The following MCTP1 variants were observed in gnomAD, a reference collection of about 807,000 sequenced individuals.
MCTP1 encodes multiple C2 and transmembrane domain containing 1, also known as multiple C2 and transmembrane domain-containing protein 1.
Under a neutral mutation model 120.6 loss-of-function variants are expected in MCTP1, and 69 were observed. That is an observed-to-expected ratio of 0.57 (90% CI 0.47 to 0.70). The LOEUF is 0.70. MCTP1 is among the 30% of genes least tolerant of loss of function. MCTP1 has a pLI of 0.00. For synonymous variants in MCTP1, 529 were observed against 493.1 expected, an observed-to-expected ratio of 1.07 and a Z score of -0.96; for missense variants, 1,203 against 1,248.8, an observed-to-expected ratio of 0.96 and a Z score of 0.55.
chr5:94,959,740 C>G (rs1177863933), intron 2 of MCTP1, among the ~76,000 whole-genome samples: 1 of 152,106 alleles, frequency 6.6e-6, no homozygotes, highest in Non-Finnish European at 1.5e-5. Flanking sequence ...TCAAAGAGAA[C>G]TACAAACCAC....
chr5:95,064,674 A>G (rs1750128078), intron 1 of MCTP1, among the ~76,000 whole-genome samples: 1 of 152,222 alleles, frequency 6.6e-6, no homozygotes, highest in African/African-American at 2.4e-5. Context: ...ATTCTGGGGT[A>G]CACTCACTGA....
chr5:95,081,763 C>T (rs1754977280), intron 1 of MCTP1: 1 of 1,149,880 alleles, frequency 8.7e-7, no homozygotes, highest in African/African-American at 1.6e-5. Context: ...GTACAGATTA[C>T]ATAACAAACA....
intron 3 of MCTP1, 38 bp from the exon 4 acceptor site, chr5:94,942,465 C>A (rs1238925877): frequency 7.0e-7 from 1 of 1,419,596 alleles, no homozygotes; most frequent in South Asian, 1.2e-5. Flanking sequence ...TTATAAATAT[C>A]TCCAATATAA....
intron 17 of MCTP1, among the ~76,000 whole-genome samples, chr5:94,823,943 G>A (rs866191760): frequency 6.6e-6 from 1 of 152,080 alleles, no homozygotes; most frequent in African/African-American, 2.4e-5. Flanking sequence ...GGAGTTTTTG[G>A]GCAGAGACAA....
Position 94,707,523 on chromosome 5 carries a change from A to T in MCTP1, c.2973T>A (p.Tyr991Ter), listed in dbSNP as rs776875043. ...ELKPDPSHSPYKRKKNNLG is the reference protein window; with the variant it reads ...ELKPDPSHSP ...AGCCAAGATTGTTTTTCTTTCTTTT[A>T]TATGGGCTATGAGAAGGATCTGGTT... The change falls in exon 23 of 23, where the codon TAT becomes TAA. Residue 991 changes from tyrosine to a stop codon, truncating the protein, a stop_gained. Transcript: ENST00000515393. LOFTEE classifies it high-confidence loss of function. 6.2e-7 allele frequency: 1 copy of T among 1,611,898 alleles called. No individual in the cohort carries two copies. Among genetic ancestry groups the T allele is most frequent in the East Asian group, 2.2e-5 (1 of 44,816 alleles).
At position 95,012,302 on chromosome 5, in the gene MCTP1, A is replaced by G. The variant is rs1446342873; in HGVS notation, c.838+5065T>C. ...AATCATGACTGTCATTGTCTATAAT[A>G]TATTTACTAATTTGCTTGTTCCTGG... On this transcript the variant is annotated intron_variant, in intron 2 of 22. Transcript: ENST00000515393. 2.6e-5 allele frequency among the ~76,000 whole-genome samples: 4 copies of G among 152,144 alleles called. No individual in the cohort carries two copies. The East Asian group carries it at 7.7e-4, about 29-fold the overall frequency.
chr5:94,825,879 TA>T lies in MCTP1; in HGVS notation c.2437-26748del, dbSNP rs1250045280. 17 of 172,464 alleles carry T rather than the reference TA, an allele frequency of 9.9e-5. No homozygotes were observed. The East Asian group carries it at 3.2e-3, about 33-fold the overall frequency. The allele number at this position is 172,464 out of a possible 1,614,324, so 10.7% of individuals were successfully genotyped here. ...TTTCGATCTTTGTTAGTTTAACATC[TA>T]TTTTTTTTTTTTCAATTTGAGAGCA... On this transcript the variant is annotated intron_variant, in intron 17 of 22. Transcript: ENST00000515393.
intron 1 of MCTP1, among the ~76,000 whole-genome samples, chr5:95,235,059 T>C (rs1298290519): frequency 6.6e-6 from 1 of 151,954 alleles, no homozygotes; most frequent in Non-Finnish European, 1.5e-5. Flanking sequence ...TGAGCATAGA[T>C]TCAAAATTTA....
intron 1 of MCTP1, among the ~76,000 whole-genome samples, chr5:95,192,997 A>T (rs752266354): frequency 1.3e-4 from 20 of 152,300 alleles, no homozygotes; most frequent in Middle Eastern, 3.4e-3. Flanking sequence ...GTAACATTGC[A>T]CCTGCCATGT....
chr5:94,708,514 C>G lies in MCTP1; in HGVS notation c.2926G>C (p.Val976Leu), dbSNP rs768051059. ...TAATAATAACGAAACCTACATACCA[C>G]TTGTACATCTGAAGGGACTCTGGAA... The part of the protein sequence containing the change: ...FLSRVPSDVQ[V>L]VQYQELKPDP... The change falls in exon 22 of 23, where the codon GTG becomes CTG. Residue 976 changes from valine to leucine, a missense_variant and splice_region_variant. Transcript: ENST00000515393. 6 of 1,579,844 alleles carry G rather than the reference C, an allele frequency of 3.8e-6. No individual in the cohort carries two copies. Among genetic ancestry groups the G allele is most frequent in the Non-Finnish European group, 5.2e-6 (6 of 1,149,750 alleles).
intron 1 of MCTP1, among the ~76,000 whole-genome samples, chr5:95,135,701 C>G (rs1056297860): frequency 6.6e-6 from 1 of 152,196 alleles, no homozygotes; most frequent in African/African-American, 2.4e-5. Context: ...GACTGGCTCT[C>G]CATGCTCCTC....
intron 1 of MCTP1, among the ~76,000 whole-genome samples, chr5:95,024,783 A>T (rs947123301): frequency 4.6e-5 from 7 of 152,130 alleles, no homozygotes; most frequent in Non-Finnish European, 1.5e-5. Flanking sequence ...TATGCCAACA[A>T]CAAACTATCT....
At chr5:95,066,970 G>C (rs957220140) in intron 1 of MCTP1, among the ~76,000 whole-genome samples, 2 of 152,176 alleles carry the variant, frequency 1.3e-5, no homozygotes, top group Non-Finnish European at 2.9e-5. Flanking sequence ...GGCCGCTGTT[G>C]ATCTGACAGG....
intron 1 of MCTP1, among the ~76,000 whole-genome samples, chr5:95,125,912 ACTTCT>A (rs1053326163): frequency 3.9e-5 from 6 of 152,218 alleles, no homozygotes; most frequent in African/African-American, 1.2e-4. Context: ...ACCTTCTTCA[ACTTCT>A]CTTCAAATTA....
chr5:94,832,871 T>C (rs569255371), intron 17 of MCTP1, among the ~76,000 whole-genome samples: 1 of 152,128 alleles, frequency 6.6e-6, no homozygotes, highest in Non-Finnish European at 1.5e-5. Context: ...TTAAAACACG[T>C]GTCATGAGCT....
intron 12 of MCTP1, among the ~76,000 whole-genome samples, chr5:94,881,796 T>G (rs766700484): frequency 5.3e-5 from 8 of 152,178 alleles, no homozygotes; most frequent in Admixed American, 1.3e-4. Flanking sequence ...TTAGTTGTCA[T>G]TATTATTGTT....
chr5:95,223,126 A>C (rs1220737004), intron 1 of MCTP1, among the ~76,000 whole-genome samples: 1 of 152,182 alleles, frequency 6.6e-6, no homozygotes, highest in Non-Finnish European at 1.5e-5. Flanking sequence ...CATCTCATCC[A>C]AAAACCCAAA....
At chr5:94,881,169 C>T (rs372025947) in intron 12 of MCTP1, among the ~76,000 whole-genome samples, 16 of 152,210 alleles carry the variant, frequency 1.1e-4, no homozygotes, top group East Asian at 5.8e-4. Flanking sequence ...AGTGAGAGCA[C>T]GTGGAGTTAA....
chr5:94,765,931 G>A (rs1297435229), intron 19 of MCTP1, among the ~76,000 whole-genome samples: 3 of 151,956 alleles, frequency 2.0e-5, no homozygotes, highest in African/African-American at 7.2e-5. Flanking sequence ...TTATAGACAA[G>A]TATATACTAA....
Sources: gnomAD v4.1 joint callset for allele counts (sites outside exome capture counted in the v4.1 genomes callset) on GRCh38, gnomAD v4.1.1 for gene constraint, MANE v1.5 for transcripts, NCBI Gene and HGNC (gene_info 2026-07-23, HGNC 2026-07-21) for gene names.